EPN1: variants seen among roughly 807,000 people sequenced by gnomAD.
EPN1 encodes epsin 1, also known as epsin-1.
EPN1 carries 25 observed loss-of-function variants against 56.9 expected under a neutral mutation model. The observed-to-expected ratio is 0.44, with a 90% confidence interval of 0.32 to 0.61. The LOEUF (loss-of-function observed/expected upper bound fraction) is 0.61. EPN1 is among the 20% of genes least tolerant of loss of function. The pLI is 0.05. For synonymous variants in EPN1, 411 were observed against 361.8 expected, an observed-to-expected ratio of 1.14 and a Z score of -1.54; for missense variants, 785 against 823.7, an observed-to-expected ratio of 0.95 and a Z score of 0.58.
chr19:55,683,638 C>A (rs1165848419), intron 2 of EPN1, among the ~76,000 whole-genome samples: 1 of 152,254 alleles, frequency 6.6e-6, no homozygotes, highest in Non-Finnish European at 1.5e-5. Flanking sequence ...TAGGCGTGAG[C>A]CACCACACCT....
chr19:55,686,269 G>A (rs1159787216), intron 3 of EPN1, among the ~76,000 whole-genome samples: 6 of 151,948 alleles, frequency 3.9e-5, no homozygotes, highest in South Asian at 2.1e-4. Flanking sequence ...TGTGGGTCTC[G>A]GACTGTTCCA....
In EPN1 at chr19:55,694,656, C is replaced by G; in HGVS notation, c.1265-70C>G. Reference sequence around the variant, plus strand: ...TCTTTGAAGCGCCCCCTATGATGGCCTATACTGCTCCCGGGTTGGAGCCTC... The same window carrying G: ...TCTTTGAAGCGCCCCCTATGATGGCGTATACTGCTCCCGGGTTGGAGCCTC... On this transcript the variant is annotated intron_variant, in intron 9 of 10. Coordinates refer to ENST00000270460, the MANE Select transcript of EPN1 (RefSeq NM_001130072.2). The surrounding 1 kb of genome is among the most constrained non-coding windows in gnomAD (Gnocchi z 4.2). The G allele has an allele frequency of 6.7e-7, 1 of 1,498,576 alleles. No individual in the cohort carries two copies. Among genetic ancestry groups the G allele is most frequent in the Non-Finnish European group, 8.9e-7 (1 of 1,127,464 alleles). 92.8% of individuals were successfully genotyped at this position (1,498,576 alleles called of 1,614,324 possible). A position where few individuals can be genotyped will look rare whatever the true frequency, so the allele number is the denominator to read the frequency against.
At chr19:55,683,306 T>C (rs28668166) in intron 2 of EPN1, among the ~76,000 whole-genome samples, 22,021 of 151,974 alleles carry the variant, frequency 0.14, 2,635 homozygotes, top group African/African-American at 0.32. Flanking sequence ...CTGCCCGCCT[T>C]GGCCTCTCAA....
In EPN1 at chr19:55,700,346, C is replaced by T. The variant is rs138106847; in HGVS notation, c.*4990C>T. On this transcript the variant is annotated 3_prime_UTR_variant, in exon 11 of 11. Transcript: ENST00000270460. ...CCAGGCTGGAGTGCAGTGGCGCGAT[C>T]TCGGCTCACTGCAACCTCCGCCTCC... The T allele has an allele frequency of 1.0e-2, 1,503 of 151,024 alleles. 132 individuals carry two copies. The highest frequency in any genetic ancestry group is 0.032 in the African/African-American group (1,267 of 39,682). 9.4% of individuals were successfully genotyped at this position (151,024 alleles called of 1,614,324 possible). A position where few individuals can be genotyped will look rare whatever the true frequency, so the allele number is the denominator to read the frequency against.
Position 55,689,315 on chromosome 19 carries a change from G to A in EPN1, c.622G>A (p.Glu208Lys), listed in dbSNP as rs1338674259. ...EADQPPSCGP[E>K]DDAQLQLALS... The stretch of plus-strand genomic sequence containing the variant: ...CCCCCAGCCCCCGTCCTGCGGCCCC[G>A]AGGACGACGCCCAGCTCCAGCTGGC... The change falls in exon 5 of 11, where the codon GAG becomes AAG. Residue 208 changes from glutamate (E) to lysine (K), a missense_variant. This residue lies in a region of EPN1 where 650 missense variants were observed against 605.0 expected (regional missense o/e 1.07). Transcript: ENST00000270460. The surrounding 1 kb of genome is among the most constrained non-coding windows in gnomAD (Gnocchi z 5.7). The A allele has an allele frequency of 6.4e-7, 1 of 1,550,960 alleles. No homozygotes were observed. Among genetic ancestry groups the A allele is most frequent in the Non-Finnish European group, 8.7e-7 (1 of 1,146,692 alleles).
Position 55,695,545 on chromosome 19 carries a change from T to C in EPN1, c.*189T>C. The stretch of plus-strand genomic sequence containing the variant: ...CCGGAGAGAAACTGGACATGGGGCC[T>C]GGGGAGGGGAGCTGGCCAGAGGAGG... On this transcript the variant is annotated 3_prime_UTR_variant, in exon 11 of 11. Transcript: ENST00000270460. The surrounding 1 kb of genome is among the most constrained non-coding windows in gnomAD (Gnocchi z 4.4). 6.9e-6 allele frequency: 4 copies of C among 582,692 alleles called. No homozygotes were observed. The South Asian group carries it at 8.5e-5, about 12-fold the overall frequency. The allele number at this position is 582,692 out of a possible 1,614,324, so 36.1% of individuals were successfully genotyped here. A position where few individuals can be genotyped will look rare whatever the true frequency, so the allele number is the denominator to read the frequency against.
chr19:55,679,259 G>A (rs1985644225), intron 2 of EPN1, among the ~76,000 whole-genome samples: 1 of 152,270 alleles, frequency 6.6e-6, no homozygotes, highest in South Asian at 2.1e-4. Context: ...ACGCTGTCGT[G>A]CCTGTGAGCA....
Position 55,706,839 on chromosome 19 carries a change from G to C in EPN1, c.*11483G>C, listed in dbSNP as rs993639056. 3.3e-5 allele frequency: 5 copies of C among 152,092 alleles called. No individual in the cohort carries two copies. The highest frequency in any genetic ancestry group is 7.3e-5 in the Non-Finnish European group (5 of 68,054). 9.4% of individuals were successfully genotyped at this position (152,092 alleles called of 1,614,324 possible). A position where few individuals can be genotyped will look rare whatever the true frequency, so the allele number is the denominator to read the frequency against. ...GGATCACTTGAAGCCAGGAGTACCAGACCAGCCTGGGAAACATAGTGAGAC... is the reference window on the plus strand; with the variant it reads ...GGATCACTTGAAGCCAGGAGTACCACACCAGCCTGGGAAACATAGTGAGAC... On this transcript the variant is annotated 3_prime_UTR_variant, in exon 11 of 11. Coordinates refer to ENST00000270460, the MANE Select transcript of EPN1 (RefSeq NM_001130072.2).
chr19:55,686,207 A>G (rs970171576), intron 3 of EPN1, among the ~76,000 whole-genome samples: 2 of 152,232 alleles, frequency 1.3e-5, no homozygotes, highest in South Asian at 2.1e-4. Context: ...TGCATCCCAC[A>G]TCGTCAAGCC....
rs1568577688 is a variant in EPN1, at chr19:55,692,542, G to A, written c.1067-144G>A. On this transcript the variant is annotated intron_variant, in intron 7 of 10. Coordinates refer to ENST00000270460, the MANE Select transcript of EPN1 (RefSeq NM_001130072.2). ...AGAAGCCCAGTTGGAATTTGAGTGT[G>A]TGTGCGGGAGGCCGGGTGGGGTGGG... The A allele has an allele frequency of 2.9e-5, 16 of 544,728 alleles. No individual in the cohort carries two copies. In the South Asian group the frequency reaches 4.2e-4, roughly 14 times the overall value. 33.7% of individuals were successfully genotyped at this position (544,728 alleles called of 1,614,324 possible).
At chr19:55,681,197 T>G (rs983211362) in intron 2 of EPN1, among the ~76,000 whole-genome samples, 5 of 152,146 alleles carry the variant, frequency 3.3e-5, no homozygotes, top group African/African-American at 1.2e-4. Context: ...TGCATGGCCT[T>G]GGGGGTGAGT....
chr19:55,679,215 C>T (rs999832970), intron 2 of EPN1, among the ~76,000 whole-genome samples: 2 of 152,202 alleles, frequency 1.3e-5, no homozygotes, highest in Non-Finnish European at 2.9e-5. Context: ...GGTGTGTGCT[C>T]CCCGTGGCAC....
In EPN1 at chr19:55,691,674, C is replaced by G; in HGVS notation, c.763-80C>G. ...GACACCCAGGGCCTGGCCGCCTCCC[C>G]CGCCACGGGCCCCAGCTTGGTCCCT... On this transcript the variant is annotated intron_variant, in intron 6 of 10. Transcript: ENST00000270460. The surrounding 1 kb of genome is among the most constrained non-coding windows in gnomAD (Gnocchi z 5.6). 7.2e-7 allele frequency: 1 copy of G among 1,379,342 alleles called. No individual in the cohort carries two copies. The highest frequency in any genetic ancestry group is 1.0e-6 in the Non-Finnish European group (1 of 992,620). The allele number at this position is 1,379,342 out of a possible 1,614,324, so 85.4% of individuals were successfully genotyped here.
intron 1 of EPN1, chr19:55,677,771 T>C (rs1273293086): frequency 7.5e-6 from 11 of 1,474,418 alleles, no homozygotes; most frequent in Non-Finnish European, 9.9e-6. Context: ...TTTAATCCCT[T>C]CATCAGCCTT....
intron 3 of EPN1, 110 bp downstream of exon 3, chr19:55,685,755 C>T (rs1986128988): frequency 7.2e-7 from 1 of 1,395,542 alleles, no homozygotes; most frequent in African/African-American, 1.4e-5. Context: ...GGGACCGCGG[C>T]ATCCCCCTTT....
intron 2 of EPN1, among the ~76,000 whole-genome samples, chr19:55,684,162 C>T (rs1416029482): frequency 6.6e-6 from 1 of 152,158 alleles, no homozygotes; most frequent in Non-Finnish European, 1.5e-5. Context: ...AAGGCCTTGC[C>T]AGAGCTAGGT....
intron 1 of EPN1, chr19:55,677,414 C>T (rs574990870): frequency 9.1e-6 from 6 of 659,716 alleles, no homozygotes; most frequent in East Asian, 2.7e-5. Context: ...TCTTGTTTCT[C>T]GTCACCAGTC....
chr19:55,678,501 T>C lies in EPN1; in HGVS notation c.-101-26T>C, dbSNP rs73613271. 5,208 of 1,525,270 alleles carry C rather than the reference T, an allele frequency of 3.4e-3. 159 individuals carry two copies. In the African/African-American group the frequency reaches 0.064, roughly 19 times the overall value. The allele number at this position is 1,525,270 out of a possible 1,614,324, so 94.5% of individuals were successfully genotyped here. On this transcript the variant is annotated intron_variant, in intron 1 of 10. Transcript: ENST00000270460. The stretch of plus-strand genomic sequence containing the variant: ...TGGGCAGGCCATGTCCCATTTGTGT[T>C]TCCAGAGGTCCTCTTCCCCTCGCAG...
chr19:55,681,425 C>T (rs1034808234), intron 2 of EPN1, among the ~76,000 whole-genome samples: 2 of 152,190 alleles, frequency 1.3e-5, no homozygotes, highest in African/African-American at 4.8e-5. Flanking sequence ...CCTGCACTGC[C>T]ACCTCACTTC....
Sources: allele counts gnomAD v4.1 joint callset (sites outside exome capture counted in the v4.1 genomes callset), GRCh38; gene constraint gnomAD v4.1.1; regional missense constraint gnomAD v4.1.1; non-coding constraint Gnocchi (gnomAD v3.1); transcripts MANE v1.5; gene names NCBI Gene and HGNC (gene_info 2026-07-23, HGNC 2026-07-21).